ADAM9: variants seen among roughly 807,000 people sequenced by gnomAD.
ADAM9 encodes disintegrin and metalloproteinase domain-containing protein 9.
ADAM9 carries 54 observed loss-of-function variants against 108.1 expected under a neutral mutation model. That is an observed-to-expected ratio of 0.50 (90% confidence interval 0.40 to 0.63). ADAM9 has a LOEUF of 0.63. ADAM9 is among the 20% of genes least tolerant of loss of function. The pLI, the probability that ADAM9 is intolerant of heterozygous loss-of-function variation, is 0.00. For missense variants in ADAM9, 830 were observed against 997.7 expected (o/e 0.83, Z 2.26); for synonymous variants, 316 against 336.0 (o/e 0.94, Z 0.65).
chr8:39,024,753 G>A (rs1279781811), intron 9 of ADAM9, among the ~76,000 whole-genome samples: 7 of 152,210 alleles, frequency 4.6e-5, no homozygotes, highest in Non-Finnish European at 5.9e-5. Flanking sequence ...TCTGGTGGAG[G>A]AGATTGGCTA....
intron 14 of ADAM9, among the ~76,000 whole-genome samples, chr8:39,066,811 C>G (rs1317585553): frequency 6.6e-6 from 1 of 152,150 alleles, no homozygotes; most frequent in African/African-American, 2.4e-5. Context: ...GTGTTTTAGA[C>G]ATGAAGTCCT....
chr8:39,068,728 G>C (rs2129440999), intron 14 of ADAM9, among the ~76,000 whole-genome samples: 1 of 126,338 alleles, frequency 7.9e-6, no homozygotes, highest in East Asian at 2.6e-4. Flanking sequence ...CTGACTGTCA[G>C]CATTCTGGGA....
chr8:39,026,661 T>A lies in ADAM9; in HGVS notation c.997-16T>A. The A allele has an allele frequency of 6.2e-7, 1 of 1,614,150 alleles. No homozygotes were observed. The highest frequency in any genetic ancestry group is 8.5e-7 in the Non-Finnish European group (1 of 1,179,998). On this transcript the variant is annotated splice_polypyrimidine_tract_variant and intron_variant, in intron 10 of 21. Coordinates refer to ENST00000487273, the MANE Select transcript of ADAM9 (RefSeq NM_003816.3). Reference sequence around the variant, plus strand: ...TGCGTTCAGAAACCTAATTACTACCTTCCTGTTCTGAACAGTTTGGACAAA... The same window carrying A: ...TGCGTTCAGAAACCTAATTACTACCATCCTGTTCTGAACAGTTTGGACAAA...
intron 14 of ADAM9, among the ~76,000 whole-genome samples, chr8:39,062,481 TAGAC>T (rs1274247304): frequency 2.6e-5 from 4 of 152,190 alleles, no homozygotes; most frequent in Admixed American, 6.5e-5. Flanking sequence ...TGCTTCTACT[TAGAC>T]AGAAACAGTG....
chr8:39,033,891 A>G (rs529512456), intron 11 of ADAM9, among the ~76,000 whole-genome samples: 1 of 152,236 alleles, frequency 6.6e-6, no homozygotes, highest in East Asian at 1.9e-4. Context: ...AAGTTGATGG[A>G]TGTTCCAATT....
At chr8:39,075,953 ATTATTAACTC>A (rs1452289019) in intron 15 of ADAM9, 1 of 152,238 alleles carries the variant, frequency 6.6e-6, no homozygotes, top group Non-Finnish European at 1.5e-5. Flanking sequence ...TTGGGACAAA[ATTATTAACTC>A]TTAAATGCAG....
chr8:39,083,089 G>T lies in ADAM9; in HGVS notation c.2068+16G>T. 1 of 1,603,768 alleles carries T rather than the reference G, an allele frequency of 6.2e-7. No homozygotes were observed. ...ACATACAATGGCAAGTAATATAGAA[G>T]AAAATTAGTGTGATCTCCCAGTGGC... On this transcript the variant is annotated intron_variant, in intron 18 of 21. Coordinates refer to ENST00000487273, the MANE Select transcript of ADAM9 (RefSeq NM_003816.3).
chr8:39,086,892 C>T (rs753800118), intron 18 of ADAM9, among the ~76,000 whole-genome samples: 5 of 152,310 alleles, frequency 3.3e-5, no homozygotes, highest in African/African-American at 7.2e-5. Context: ...CTTAGTACCA[C>T]GTTAATTATG....
At chr8:39,070,102 A>G (rs376088388) in intron 14 of ADAM9, among the ~76,000 whole-genome samples, 2 of 143,238 alleles carry the variant, frequency 1.4e-5, no homozygotes, top group African/African-American at 2.6e-5. Flanking sequence ...GCAGTGAGCT[A>G]TGACCTTGCC....
In ADAM9 at chr8:39,026,663, C is replaced by T. The variant is rs900446821; in HGVS notation, c.997-14C>T. On this transcript the variant is annotated splice_polypyrimidine_tract_variant and intron_variant, in intron 10 of 21. Coordinates refer to ENST00000487273, the MANE Select transcript of ADAM9 (RefSeq NM_003816.3). ...CGTTCAGAAACCTAATTACTACCTT[C>T]CTGTTCTGAACAGTTTGGACAAATC... 6.2e-7 allele frequency: 1 copy of T among 1,614,112 alleles called. No individual in the cohort carries two copies. Among genetic ancestry groups the T allele is most frequent in the Non-Finnish European group, 8.5e-7 (1 of 1,180,006 alleles).
chr8:39,089,984 T>A, intron 18 of ADAM9, 63 bp from the exon 19 acceptor site: 1 of 1,476,592 alleles, frequency 6.8e-7, no homozygotes, highest in Non-Finnish European at 9.5e-7. Context: ...GTGTTTATAA[T>A]CATCTAGTAT....
chr8:39,045,544 ATGTG>A (rs1276282916), intron 12 of ADAM9, among the ~76,000 whole-genome samples: 1 of 119,254 alleles, frequency 8.4e-6, no homozygotes, highest in African/African-American at 3.3e-5. Flanking sequence ...GTGTGTATAT[ATGTG>A]TGTGTGTATA....
intron 1 of ADAM9, among the ~76,000 whole-genome samples, chr8:39,002,269 G>A (rs1428612783): frequency 6.7e-6 from 1 of 150,016 alleles, no homozygotes; most frequent in East Asian, 2.0e-4. Context: ...AGAAGCCCAT[G>A]GTTTGGAGTT....
At chr8:39,000,965 G>A (rs10089487) in intron 1 of ADAM9, among the ~76,000 whole-genome samples, 58,125 of 151,910 alleles carry the variant, frequency 0.38, 11,875 homozygotes, top group African/African-American at 0.54. Context: ...GGAATGGGAC[G>A]TTCCCTTTGA....
At chr8:39,027,327 T>C (rs976760664) in intron 11 of ADAM9, among the ~76,000 whole-genome samples, 15 of 152,204 alleles carry the variant, frequency 9.9e-5, no homozygotes, top group African/African-American at 3.6e-4. Context: ...AACCCTGTTT[T>C]ATAGAGATAA....
intron 18 of ADAM9, among the ~76,000 whole-genome samples, chr8:39,086,713 A>G (rs537538427): frequency 2.2e-4 from 34 of 152,102 alleles, no homozygotes; most frequent in African/African-American, 6.3e-4. Flanking sequence ...GTTATTGGAT[A>G]TTTTTGGATT....
At chr8:39,086,956 G>A (rs1017284035) in intron 18 of ADAM9, among the ~76,000 whole-genome samples, 2 of 152,196 alleles carry the variant, frequency 1.3e-5, no homozygotes, top group African/African-American at 4.8e-5. Context: ...TGTGTGAGCT[G>A]TGGGGCTTAT....
intron 12 of ADAM9, among the ~76,000 whole-genome samples, chr8:39,045,522 ATATG>A (rs1268443178): frequency 7.4e-6 from 1 of 135,324 alleles, no homozygotes; most frequent in Non-Finnish European, 1.6e-5. Flanking sequence ...ACATACATAT[ATATG>A]TGCATATGTG....
At chr8:39,003,108 A>C (rs536617879) in intron 1 of ADAM9, among the ~76,000 whole-genome samples, 4 of 152,328 alleles carry the variant, frequency 2.6e-5, no homozygotes, top group Non-Finnish European at 5.9e-5. Flanking sequence ...ACTCTTGATA[A>C]AATAAATGAT....
Sources: gnomAD v4.1 joint callset for allele counts (sites outside exome capture counted in the v4.1 genomes callset) on GRCh38, gnomAD v4.1.1 for gene constraint, MANE v1.5 for transcripts, NCBI Gene and HGNC (gene_info 2026-07-23, HGNC 2026-07-21) for gene names.